Variants in KDM2A observed in about 807,000 individuals in gnomAD.
KDM2A encodes lysine-specific demethylase 2A.
In KDM2A, 3 loss-of-function variants were observed where a neutral mutation model predicts 137.3. That is an observed-to-expected ratio of 0.02 (90% CI 0.01 to 0.06). The LOEUF is 0.06. KDM2A is among the 10% of genes least tolerant of loss of function. KDM2A has a pLI of 1.00. For missense variants in KDM2A, 738 were observed against 1,510.6 expected (o/e 0.49, Z 8.48); for synonymous variants, 512 against 541.5 (o/e 0.95, Z 0.76).
intron 12 of KDM2A, among the ~76,000 whole-genome samples, chr11:67,233,317 G>A (rs924756177): frequency 6.8e-6 from 1 of 146,586 alleles, no homozygotes; most frequent in South Asian, 2.3e-4. Context: ...TCAGGAGTTC[G>A]AGACCAGCCT....
rs1859560690 is a variant in KDM2A at position 67,255,158 on chromosome 11, C to T, written c.*103C>T. 1.0e-5 allele frequency: 10 copies of T among 1,004,532 alleles called. No individual in the cohort carries two copies. The highest frequency in any genetic ancestry group is 2.2e-5 in the Admixed American group (1 of 45,214). The allele number at this position is 1,004,532 out of a possible 1,614,324, so 62.2% of individuals were successfully genotyped here. On this transcript the variant is annotated 3_prime_UTR_variant, in exon 21 of 21. Coordinates refer to ENST00000529006, the MANE Select transcript of KDM2A (RefSeq NM_012308.3). ...CACGGGCTCTGAGGCCAGCGTCACA[C>T]TCCCTCTCTGCTCTCCTGTCCCTTG...
chr11:67,178,818 T>A (rs1165494246), intron 2 of KDM2A, among the ~76,000 whole-genome samples: 1 of 152,242 alleles, frequency 6.6e-6, no homozygotes, highest in Non-Finnish European at 1.5e-5. Flanking sequence ...GTGGTTTCTA[T>A]CTTTTGGCTG....
chr11:67,236,522 T>C (rs888293873), intron 12 of KDM2A, among the ~76,000 whole-genome samples: 1 of 152,238 alleles, frequency 6.6e-6, no homozygotes, highest in African/African-American at 2.4e-5. Context: ...TAAAAGAAGC[T>C]TTTTATATAA....
At chr11:67,174,257 CAAAA>C (rs1010052541) in intron 2 of KDM2A, among the ~76,000 whole-genome samples, 2 of 151,070 alleles carry the variant, frequency 1.3e-5, no homozygotes, top group Non-Finnish European at 3.0e-5. Context: ...GACTCTGTCT[CAAAA>C]AAAAGAAAGA....
At chr11:67,163,234 C>T (rs1856672028) in intron 2 of KDM2A, among the ~76,000 whole-genome samples, 1 of 152,214 alleles carries the variant, frequency 6.6e-6, no homozygotes, top group South Asian at 2.1e-4. Flanking sequence ...GCATAACCAA[C>T]TCTACCACTT....
chr11:67,201,798 AAAAAAAATT>A (rs1857632620), intron 5 of KDM2A, among the ~76,000 whole-genome samples: 1 of 145,930 alleles, frequency 6.9e-6, no homozygotes, highest in Non-Finnish European at 1.5e-5. Context: ...AAAAAAAAAA[AAAAAAAATT>A]AGCCATGCTT....
rs1325363829 is a variant in KDM2A, at chr11:67,248,327, A to C, written c.2012A>C (p.Glu671Ala). The change falls in exon 16 of 21, where the codon GAA becomes GCA. Residue 671 changes from glutamate to alanine, a missense_variant. Physicochemically the swap from Glu to Ala is moderately radical, Grantham distance 107 (BLOSUM62 -1). Around this residue, in one of 9 missense-constraint regions of KDM2A, gnomAD observed 20 missense variants for 62.3 expected, o/e 0.32. Transcript: ENST00000529006. ...LLNEELPNCWECPKCYQEDSS... is the reference protein window; with the variant it reads ...LLNEELPNCWACPKCYQEDSS... ...AACGAAGAATTGCCAAATTGCTGGG[A>C]ATGTCCAAAGTGCTACCAGGAGGAC... 6.2e-7 allele frequency: 1 copy of C among 1,608,760 alleles called. No homozygotes were observed. Among genetic ancestry groups the C allele is most frequent in the Non-Finnish European group, 8.5e-7 (1 of 1,177,524 alleles).
At chr11:67,178,977 CTG>C (rs1212703782) in intron 2 of KDM2A, among the ~76,000 whole-genome samples, 1 of 152,184 alleles carries the variant, frequency 6.6e-6, no homozygotes, top group Admixed American at 6.5e-5. Flanking sequence ...AACTTTCAAA[CTG>C]TTTACCAGTG....
At chr11:67,155,870 C>T (rs371852790) in intron 2 of KDM2A, among the ~76,000 whole-genome samples, 2 of 148,620 alleles carry the variant, frequency 1.3e-5, no homozygotes, top group African/African-American at 4.9e-5. Context: ...CCTGCCTCGG[C>T]CTCCCAAAGT....
At chr11:67,186,213 A>G (rs1432173181) in intron 5 of KDM2A, among the ~76,000 whole-genome samples, 1 of 152,194 alleles carries the variant, frequency 6.6e-6, no homozygotes, top group East Asian at 1.9e-4. Context: ...TCAAACTTTC[A>G]AAAGCCAAAG....
chr11:67,213,595 T>TA (rs925372499), intron 6 of KDM2A, among the ~76,000 whole-genome samples: 3 of 151,768 alleles, frequency 2.0e-5, no homozygotes, highest in Non-Finnish European at 4.4e-5. Context: ...CTGTCTCTAC[T>TA]AAAAAATACA....
chr11:67,213,628 G>A (rs571593466), intron 6 of KDM2A, among the ~76,000 whole-genome samples: 1 of 151,742 alleles, frequency 6.6e-6, no homozygotes, highest in Admixed American at 6.6e-5. Flanking sequence ...GTGCGGTGGC[G>A]GGTGCCTGTA....
intron 2 of KDM2A, among the ~76,000 whole-genome samples, chr11:67,169,602 C>T (rs570585873): frequency 4.6e-5 from 7 of 151,728 alleles, no homozygotes; most frequent in Non-Finnish European, 8.8e-5. Context: ...TCTTGAACTC[C>T]TGACCTTAGG....
intron 5 of KDM2A, among the ~76,000 whole-genome samples, chr11:67,186,443 A>T (rs1857209353): frequency 6.6e-6 from 1 of 152,216 alleles, no homozygotes; most frequent in South Asian, 2.1e-4. Flanking sequence ...AGATTAAGAC[A>T]TTCTCAGAAA....
intron 5 of KDM2A, chr11:67,195,863 T>G: frequency 3.7e-6 from 1 of 270,602 alleles, no homozygotes; most frequent in Admixed American, 4.5e-5. Context: ...TTGCCAGTAT[T>G]TTATTTTCTA....
intron 15 of KDM2A, among the ~76,000 whole-genome samples, chr11:67,246,779 G>A (rs1299721788): frequency 1.3e-5 from 2 of 151,862 alleles, no homozygotes; most frequent in Non-Finnish European, 2.9e-5. Context: ...TGTCATTCAT[G>A]AGAAGCAGCC....
chr11:67,188,144 A>G (rs1590761579), intron 5 of KDM2A, among the ~76,000 whole-genome samples: 2 of 151,918 alleles, frequency 1.3e-5, no homozygotes, highest in East Asian at 3.9e-4. Flanking sequence ...TGATCACACC[A>G]CTGTAGTCCA....
At chr11:67,216,944 C>CA (rs1468873927) in intron 8 of KDM2A, among the ~76,000 whole-genome samples, 2 of 148,986 alleles carry the variant, frequency 1.3e-5, no homozygotes, top group African/African-American at 2.5e-5. Flanking sequence ...ACAACAACAA[C>CA]AAAAAAACAT....
At chr11:67,175,856 C>A (rs556610054) in intron 2 of KDM2A, among the ~76,000 whole-genome samples, 1 of 152,270 alleles carries the variant, frequency 6.6e-6, no homozygotes, top group African/African-American at 2.4e-5. Context: ...ATTCTAGTAG[C>A]ATTGCTCTTG....
Sources: allele counts gnomAD v4.1 joint callset (sites outside exome capture counted in the v4.1 genomes callset), GRCh38; gene constraint gnomAD v4.1.1; regional missense constraint gnomAD v4.1.1; transcripts MANE v1.5; gene names NCBI Gene and HGNC (gene_info 2026-07-23, HGNC 2026-07-21).